Variants in COMMD10 observed in about 807,000 individuals in gnomAD.
The protein encoded by COMMD10 is COMM domain-containing protein 10.
A neutral mutation model predicts 28.9 loss-of-function variants in COMMD10; 33 were observed. That is an observed-to-expected ratio of 1.14 (90% CI 0.87 to 1.53). COMMD10 has a LOEUF of 1.53. COMMD10 is among the 40% of genes most tolerant of loss of function. COMMD10 has a pLI of 0.00. For missense variants in COMMD10, 310 were observed against 233.4 expected, an observed-to-expected ratio of 1.33 and a Z score of -2.14; for synonymous variants, 110 against 81.7, an observed-to-expected ratio of 1.35 and a Z score of -1.87.
chr5:116,197,882 G>T (rs1336296775), intron 5 of COMMD10, among the ~76,000 whole-genome samples: 1 of 151,306 alleles, frequency 6.6e-6, no homozygotes, highest in African/African-American at 2.4e-5. Context: ...GAGTCAGTAG[G>T]AGAAGTAGAA....
chr5:116,157,134 T>G (rs1338820204), intron 5 of COMMD10, among the ~76,000 whole-genome samples: 2 of 152,330 alleles, frequency 1.3e-5, no homozygotes, highest in East Asian at 3.9e-4. Flanking sequence ...TAACAATTTT[T>G]TAATGAATTT....
At chr5:116,219,789 A>G (rs888100720) in intron 5 of COMMD10, among the ~76,000 whole-genome samples, 6 of 152,202 alleles carry the variant, frequency 3.9e-5, no homozygotes, top group Admixed American at 3.9e-4. Flanking sequence ...TCTGTGTCTA[A>G]TGATGTAATC....
At chr5:116,218,394 A>G (rs1322766827) in intron 5 of COMMD10, 1 of 500,318 alleles carries the variant, frequency 2.0e-6, no homozygotes, top group Non-Finnish European at 3.6e-6. Flanking sequence ...CCTCTTGTTC[A>G]TACTGCTCCA....
chr5:116,238,171 C>T (rs150338580), intron 5 of COMMD10, among the ~76,000 whole-genome samples: 1 of 152,272 alleles, frequency 6.6e-6, no homozygotes, highest in African/African-American at 2.4e-5. Context: ...AACAATGCTT[C>T]TCAGCAAGAT....
intron 4 of COMMD10, among the ~76,000 whole-genome samples, chr5:116,115,005 C>T (rs1391982609): frequency 6.6e-6 from 1 of 152,102 alleles, no homozygotes; most frequent in East Asian, 1.9e-4. Context: ...CCTACACAGG[C>T]CCCAGTTCAG....
chr5:116,247,623 A>C (rs927812218), intron 5 of COMMD10, among the ~76,000 whole-genome samples: 2 of 152,152 alleles, frequency 1.3e-5, no homozygotes, highest in Admixed American at 1.3e-4. Context: ...ATGGAATACT[A>C]TGCAGCCATA....
intron 5 of COMMD10, among the ~76,000 whole-genome samples, chr5:116,150,674 AT>A (rs1235152542): frequency 1.4e-5 from 2 of 143,106 alleles, no homozygotes; most frequent in Non-Finnish European, 1.5e-5. Context: ...TTATTGGTGT[AT>A]AAGAATGCTT....
At chr5:116,223,245 C>G (rs1749310419) in intron 5 of COMMD10, among the ~76,000 whole-genome samples, 2 of 151,046 alleles carry the variant, frequency 1.3e-5, no homozygotes, top group South Asian at 4.2e-4. Context: ...GAAATCAAAT[C>G]TAGGAACTAA....
chr5:116,251,300 TTA>T (rs2112673973), intron 5 of COMMD10, among the ~76,000 whole-genome samples: 4 of 140,388 alleles, frequency 2.8e-5, no homozygotes, highest in South Asian at 4.6e-4. Context: ...ATTTATTTAT[TTA>T]TTATTATACT....
chr5:116,207,610 C>G (rs961214685), intron 5 of COMMD10, among the ~76,000 whole-genome samples: 2 of 152,118 alleles, frequency 1.3e-5, no homozygotes, highest in African/African-American at 4.8e-5. Context: ...ACTGCAGCCT[C>G]CGCCTCCTGG....
intron 4 of COMMD10, among the ~76,000 whole-genome samples, chr5:116,126,760 A>G (rs1326568311): frequency 6.6e-6 from 1 of 152,216 alleles, no homozygotes; most frequent in East Asian, 1.9e-4. Flanking sequence ...CTTACACCTT[A>G]TACAAAAATT....
chr5:116,098,052 T>TTAGAAAATATTAG (rs1365935418), intron 4 of COMMD10, among the ~76,000 whole-genome samples: 1 of 152,086 alleles, frequency 6.6e-6, no homozygotes, highest in Non-Finnish European at 1.5e-5. Context: ...AAATAAAACT[T>TTAGAAAATATTAG]TAGAAAATAT....
intron 5 of COMMD10, among the ~76,000 whole-genome samples, chr5:116,192,005 C>A (rs1748383738): frequency 6.6e-6 from 1 of 151,666 alleles, no homozygotes; most frequent in Non-Finnish European, 1.5e-5. Flanking sequence ...TGCAGACAAC[C>A]CCCAGTACCA....
chr5:116,194,153 G>A (rs1025213267), intron 5 of COMMD10, among the ~76,000 whole-genome samples: 10 of 151,866 alleles, frequency 6.6e-5, no homozygotes, highest in African/African-American at 2.4e-4. Context: ...AAAACCTCTG[G>A]GATACAGCAA....
At chr5:116,282,481 AT>A (rs1186834027) in intron 5 of COMMD10, among the ~76,000 whole-genome samples, 2 of 151,898 alleles carry the variant, frequency 1.3e-5, no homozygotes, top group Non-Finnish European at 2.9e-5. Flanking sequence ...AAACTCTATA[AT>A]GCTTTTACAT....
intron 6 of COMMD10, among the ~76,000 whole-genome samples, chr5:116,292,007 C>A (rs1751376984): frequency 2.0e-5 from 3 of 151,836 alleles, no homozygotes. Context: ...CCCTCCACCC[C>A]CCAACTTTAA....
At chr5:116,288,040 A>G (rs922879890) in intron 5 of COMMD10, among the ~76,000 whole-genome samples, 2 of 151,626 alleles carry the variant, frequency 1.3e-5, no homozygotes, top group Non-Finnish European at 2.9e-5. Context: ...TTATATTTTT[A>G]TACAGCTTTG....
intron 4 of COMMD10, among the ~76,000 whole-genome samples, chr5:116,104,053 T>C (rs1011176340): frequency 1.3e-5 from 2 of 152,222 alleles, no homozygotes; most frequent in African/African-American, 4.8e-5. Flanking sequence ...TACTGTAGCC[T>C]CGTAGTGTAG....
At chr5:116,156,651 A>C (rs766669706) in intron 5 of COMMD10, among the ~76,000 whole-genome samples, 7 of 152,172 alleles carry the variant, frequency 4.6e-5, no homozygotes, top group Non-Finnish European at 1.0e-4. Flanking sequence ...CACTTTGGCC[A>C]GTACAACTCT....
Sources: gnomAD v4.1 joint callset for allele counts (sites outside exome capture counted in the v4.1 genomes callset) on GRCh38, gnomAD v4.1.1 for gene constraint, MANE v1.5 for transcripts, NCBI Gene and HGNC (gene_info 2026-07-23, HGNC 2026-07-21) for gene names.